Variants in MVP observed in about 807,000 individuals in gnomAD.
The protein encoded by MVP is lung resistance-related protein.
MVP carries 62 observed loss-of-function variants against 83.5 expected under a neutral mutation model. That is an observed-to-expected ratio of 0.74 (90% CI 0.61 to 0.92). The LOEUF (loss-of-function observed/expected upper bound fraction) is 0.92, where lower values mean the gene tolerates loss of function less well. Among genes scored for constraint, MVP ranks in the 40% least tolerant of loss-of-function variants. The probability of loss-of-function intolerance (pLI) is 0.00; values close to 1 mark genes in which losing one functional copy is unlikely to be tolerated. For synonymous variants in MVP, 505 were observed against 504.1 expected, an observed-to-expected ratio of 1.00 and a Z score of -0.02; for missense variants, 1,000 against 1,203.4, an observed-to-expected ratio of 0.83 and a Z score of 2.50.
intron 1 of MVP, among the ~76,000 whole-genome samples, chr16:29,824,990 C>T (rs1262185340): frequency 1.3e-5 from 2 of 152,044 alleles, no homozygotes; most frequent in Non-Finnish European, 2.9e-5. Flanking sequence ...CATCCTCCCA[C>T]CTTCGGCCTC....
At chr16:29,822,818 A>T (rs1596905549) in intron 1 of MVP, among the ~76,000 whole-genome samples, 1 of 152,166 alleles carries the variant, frequency 6.6e-6, no homozygotes, top group African/African-American at 2.4e-5. Flanking sequence ...CCCTGGTTCA[A>T]GCAATTCTCC....
chr16:29,846,377 C>A, intron 13 of MVP, 93 bp downstream of exon 13: 1 of 1,434,784 alleles, frequency 7.0e-7, no homozygotes, highest in Non-Finnish European at 9.2e-7. Flanking sequence ...GACACCAGGT[C>A]CCCCAACATA....
intron 7 of MVP, among the ~76,000 whole-genome samples, chr16:29,837,414 C>A (rs907145427): frequency 1.3e-5 from 2 of 152,202 alleles, no homozygotes; most frequent in Admixed American, 6.5e-5. Context: ...ATGGCAAGTA[C>A]TTGTGTATCT....
chr16:29,826,661 G>A lies in MVP; in HGVS notation c.-35-3854G>A, dbSNP rs537562612. ...AAAAAGGCCGGGCGTGGTGGCTCAC[G>A]CCTGTAATCCTAGCACTTTGGGAGG... is the stretch of plus-strand genomic sequence containing the variant. On this transcript the variant is annotated intron_variant, in intron 1 of 14. Transcript: ENST00000357402. Among the ~76,000 whole-genome samples the A allele has an allele frequency of 4.7e-5, 7 of 147,590 alleles. No individual in the cohort carries two copies. The South Asian group carries it at 8.7e-4, about 18-fold the overall frequency.
intron 5 of MVP, 142 bp downstream of exon 5, chr16:29,834,208 C>T: frequency 8.7e-7 from 1 of 1,153,942 alleles, no homozygotes; most frequent in East Asian, 2.7e-5. Flanking sequence ...GAGGGCCACC[C>T]ACTGCTCTTC....
chr16:29,840,401 A>C lies in MVP; in HGVS notation c.1133A>C (p.Gln378Pro). Residue 378 changes from glutamine (Q) to proline (P), a missense_variant, in exon 8 of 15, where the codon CAG becomes CCG. Coordinates refer to ENST00000357402, the MANE Select transcript of MVP (RefSeq NM_005115.5). ...SAKVEVVEER[Q>P]AIPLDENEGI... ...AAAGTGGAGGTGGTGGAGGAGCGCC[A>C]GGCCATCCCTCTAGACGAGAACGAG... 2 of 1,591,814 alleles carry C rather than the reference A, an allele frequency of 1.3e-6. No homozygotes were observed. The highest frequency in any genetic ancestry group is 1.7e-6 in the Non-Finnish European group (2 of 1,170,040).
Position 29,833,939 on chromosome 16 carries a change from G to A in MVP, c.450G>A (p.Thr150=), listed in dbSNP as rs375222726. ...ACCATCACCTTCCCTCCCCAGGCAC[G>A]TACATCCCCCGGAAGGAAGTGGAGG... ...GDEWLFEGPG[T]YIPRKEVEVV... The change falls in exon 5 of 15, where the codon ACG becomes ACA. Residue 150 remains threonine, a synonymous_variant. Coordinates refer to ENST00000357402, the MANE Select transcript of MVP (RefSeq NM_005115.5). The A allele has an allele frequency of 1.2e-5, 19 of 1,613,920 alleles. No individual in the cohort carries two copies. Among genetic ancestry groups the A allele is most frequent in the Middle Eastern group, 1.6e-4 (1 of 6,080 alleles).
intron 1 of MVP, among the ~76,000 whole-genome samples, chr16:29,822,255 G>C (rs1042853236): frequency 1.3e-5 from 2 of 151,680 alleles, no homozygotes; most frequent in Non-Finnish European, 2.9e-5. Flanking sequence ...GGAGGAGGGA[G>C]GACAAGTGGA....
At chr16:29,825,245 G>A (rs2067396782) in intron 1 of MVP, among the ~76,000 whole-genome samples, 2 of 152,190 alleles carry the variant, frequency 1.3e-5, no homozygotes, top group Non-Finnish European at 2.9e-5. Flanking sequence ...GCCGACTAGG[G>A]CAGGTCTCAG....
At chr16:29,839,783 C>CAA (rs71373206) in intron 7 of MVP, among the ~76,000 whole-genome samples, 3,724 of 45,994 alleles carry the variant, frequency 0.081, 484 homozygotes, top group African/African-American at 0.13. Context: ...AAGACTATCT[C>CAA]AAAAAAAAAA....
At chr16:29,843,210 GACTGGGTACTGTGGCTC>G (rs1396547466) in intron 10 of MVP, among the ~76,000 whole-genome samples, 1 of 152,084 alleles carries the variant, frequency 6.6e-6, no homozygotes, top group Non-Finnish European at 1.5e-5. Context: ...CAGTGTTCAT[GACTGGGTACTGTGGCTC>G]ACACCTGTGA....
chr16:29,836,607 G>C (rs900841086), intron 6 of MVP, 115 bp from the exon 7 acceptor site: 2 of 808,826 alleles, frequency 2.5e-6, no homozygotes, highest in Non-Finnish European at 3.9e-6. Flanking sequence ...CCCTGGATTG[G>C]TAGAAATTGT....
intron 10 of MVP, among the ~76,000 whole-genome samples, chr16:29,843,825 G>A (rs886430118): frequency 3.3e-5 from 5 of 151,978 alleles, no homozygotes; most frequent in South Asian, 4.2e-4. Flanking sequence ...TCTTGAATCC[G>A]GGAGGCGGAG....
intron 1 of MVP, among the ~76,000 whole-genome samples, chr16:29,829,326 A>T (rs1453079342): frequency 5.3e-5 from 8 of 151,682 alleles, no homozygotes; most frequent in Non-Finnish European, 1.0e-4. Flanking sequence ...CTCTCCAAAA[A>T]AAAAAATTAG....
At chr16:29,828,100 A>G (rs918178336) in intron 1 of MVP, among the ~76,000 whole-genome samples, 1 of 151,688 alleles carries the variant, frequency 6.6e-6, no homozygotes, top group African/African-American at 2.4e-5. Flanking sequence ...AGCTGGGATT[A>G]CAGGCACGTG....
chr16:29,826,361 G>A (rs917058634), intron 1 of MVP, among the ~76,000 whole-genome samples: 6 of 152,136 alleles, frequency 3.9e-5, no homozygotes, highest in Non-Finnish European at 7.4e-5. Flanking sequence ...GGCTGGGTGC[G>A]GTGGCTCCAC....
chr16:29,829,454 CAAAAAAAAAAAAAA>C (rs34314929), intron 1 of MVP, among the ~76,000 whole-genome samples: 108 of 52,668 alleles, frequency 2.1e-3, no homozygotes, highest in Admixed American at 5.0e-3. Context: ...GACTCCGTCT[CAAAAAAAAAAAAAA>C]AAAAAAAAAA....
chr16:29,833,863 T>C lies in MVP; in HGVS notation c.445+7T>C. 1 of 1,614,064 alleles carries C rather than the reference T, an allele frequency of 6.2e-7. No homozygotes were observed. Among genetic ancestry groups the C allele is most frequent in the Middle Eastern group, 1.6e-4 (1 of 6,062 alleles). Reference sequence around the variant, plus strand: ...TGGCTTTTCGAGGGACCTGGTAAGTTCTGTCTCCATAGGGCTCCCTGCCTT... The same window carrying C: ...TGGCTTTTCGAGGGACCTGGTAAGTCCTGTCTCCATAGGGCTCCCTGCCTT... On this transcript the variant is annotated splice_region_variant and intron_variant, in intron 4 of 14. Coordinates refer to ENST00000357402, the MANE Select transcript of MVP (RefSeq NM_005115.5).
At position 29,834,021 on chromosome 16, in the gene MVP, G is replaced by T; in HGVS notation, c.532G>T (p.Ala178Ser). 1 of 1,614,058 alleles carries T rather than the reference G, an allele frequency of 6.2e-7. No homozygotes were observed. The highest frequency in any genetic ancestry group is 1.3e-5 in the African/African-American group (1 of 75,054). The change falls in exon 5 of 15, where the codon GCC (alanine) becomes TCC (serine). Residue 178 changes from alanine (A) to serine (S), a missense_variant. Transcript: ENST00000357402. ...GCAGAACCAGGCTCTGCGGCTCAGG[G>T]CCCGCAAGGAGTGCTGGGACCGGGA... ...IRQNQALRLR[A>S]RKECWDRDGK...
Sources: allele counts gnomAD v4.1 joint callset (sites outside exome capture counted in the v4.1 genomes callset), GRCh38; gene constraint gnomAD v4.1.1; transcripts MANE v1.5; gene names NCBI Gene and HGNC (gene_info 2026-07-23, HGNC 2026-07-21).